Variants in RNF213 observed in about 807,000 individuals in gnomAD.
RNF213 encodes ring finger protein 213, also known as E3 ubiquitin-protein ligase RNF213.
A neutral mutation model predicts 514.4 loss-of-function variants in RNF213; 341 were observed. The ratio of observed to expected loss-of-function variants is 0.66; its 90% CI spans 0.61 to 0.73. The LOEUF is 0.73. Among genes scored for constraint, RNF213 ranks in the 30% least tolerant of loss-of-function variants. The probability of loss-of-function intolerance (pLI) is 0.00; values close to 1 mark genes in which losing one functional copy is unlikely to be tolerated. For synonymous variants in RNF213, 2,655 were observed against 2,658.2 expected (o/e 1.00, Z 0.04); for missense variants, 5,767 against 6,615.6 (o/e 0.87, Z 4.45).
rs780815851 is a variant in RNF213 at position 80,383,106 on chromosome 17, G to C, written c.14070+36G>C. On this transcript the variant is annotated intron_variant, in intron 58 of 67. Transcript: ENST00000582970. ...AGTGCTGACAGCTGGGTTGCTCCTC[G>C]GTCCAGAAAGGAAGGGTCCCGGCGT... 1.2e-5 allele frequency: 18 copies of C among 1,468,578 alleles called. No individual in the cohort carries two copies. The South Asian group carries it at 1.9e-4, about 16-fold the overall frequency. 91.0% of individuals were successfully genotyped at this position (1,468,578 alleles called of 1,614,324 possible).
At chr17:80,359,038 G>C (rs1254954442) in intron 37 of RNF213, among the ~76,000 whole-genome samples, 1 of 152,178 alleles carries the variant, frequency 6.6e-6, no homozygotes, top group Non-Finnish European at 1.5e-5. Flanking sequence ...ACAGTGCGCT[G>C]CGAACAGCCC....
chr17:80,364,517 G>A lies in RNF213; in HGVS notation c.11835G>A (p.Gln3945=), dbSNP rs921414193. ...LGTESRVPEL[Q]GLVTEHVFLL... is the part of the protein sequence containing the mutation. ...CCGAGAGCCGCGTCCCCGAGTTACAGGGGCTGGTGACCGAGCACGTCTTCT... is the reference window on the plus strand; with the variant it reads ...CCGAGAGCCGCGTCCCCGAGTTACAAGGGCTGGTGACCGAGCACGTCTTCT... The change falls in exon 42 of 68, where the codon CAG becomes CAA. Residue 3945 remains glutamine, a synonymous_variant. Transcript: ENST00000582970. 2 of 1,614,194 alleles carry A rather than the reference G, an allele frequency of 1.2e-6. No individual in the cohort carries two copies. Among genetic ancestry groups the A allele is most frequent in the Non-Finnish European group, 1.7e-6 (2 of 1,180,036 alleles).
chr17:80,335,356 G>A (rs146352280), intron 22 of RNF213, among the ~76,000 whole-genome samples: 8 of 152,300 alleles, frequency 5.3e-5, no homozygotes, highest in African/African-American at 1.7e-4. Context: ...AGGGGCACAG[G>A]TGGCAGTGCA....
intron 32 of RNF213, chr17:80,352,121 G>T: frequency 3.6e-6 from 1 of 277,962 alleles, no homozygotes; most frequent in Non-Finnish European, 6.9e-6. Flanking sequence ...CCAAAGTGCT[G>T]GGATTACAGG....
At chr17:80,326,341 A>G (rs2046281412) in intron 18 of RNF213, among the ~76,000 whole-genome samples, 1 of 152,228 alleles carries the variant, frequency 6.6e-6, no homozygotes, top group Admixed American at 6.5e-5. Flanking sequence ...GTACAGAAAA[A>G]TTGAGCAGAA....
intron 3 of RNF213, among the ~76,000 whole-genome samples, chr17:80,280,303 A>G (rs1055691699): frequency 3.9e-5 from 6 of 152,214 alleles, no homozygotes; most frequent in African/African-American, 1.2e-4. Context: ...CTCAGCAGAC[A>G]GTGAAGTCCG....
At chr17:80,384,924 C>T in intron 59 of RNF213, 115 bp from the exon 60 acceptor site, 1 of 1,098,498 alleles carries the variant, frequency 9.1e-7, no homozygotes, top group South Asian at 1.3e-5. Context: ...CAGGAAATGA[C>T]ACTGACCAGA....
chr17:80,277,970 C>T (rs373301252), intron 3 of RNF213, among the ~76,000 whole-genome samples: 4 of 152,206 alleles, frequency 2.6e-5, no homozygotes, highest in African/African-American at 4.8e-5. Flanking sequence ...GAGAGGGGCC[C>T]GCGCCTGTCC....
chr17:80,352,663 C>A, intron 32 of RNF213: 1 of 614,362 alleles, frequency 1.6e-6, no homozygotes, highest in Non-Finnish European at 2.9e-6. Context: ...GTGAAAGAAC[C>A]ACAGGCCTTA....
rs1479399742 is a variant in RNF213 at position 80,351,920 on chromosome 17, T to G, written c.10303+117T>G. ...ACCAGGCTGGAGTGCAGTGGCGCGA[T>G]CTCAGCTCACTACAACCTCAATCTC... On this transcript the variant is annotated intron_variant, in intron 32 of 67. Coordinates refer to ENST00000582970, the MANE Select transcript of RNF213 (RefSeq NM_001256071.3). The G allele has an allele frequency of 4.7e-6, 3 of 632,496 alleles. No homozygotes were observed. The East Asian group carries it at 9.6e-5, about 20-fold the overall frequency. 39.2% of individuals were successfully genotyped at this position (632,496 alleles called of 1,614,324 possible).
At chr17:80,373,229 A>ACACACCCCCCTACCCT in intron 49 of RNF213, 64 bp downstream of exon 49, 4 of 1,330,472 alleles carry the variant, frequency 3.0e-6, no homozygotes, top group Non-Finnish European at 4.0e-6. Flanking sequence ...CCCCAAACCC[A>ACACACCCCCCTACCCT]CACACCCCCC....
chr17:80,286,455 G>T (rs962983789), intron 3 of RNF213, among the ~76,000 whole-genome samples: 1 of 152,144 alleles, frequency 6.6e-6, no homozygotes, highest in African/African-American at 2.4e-5. Flanking sequence ...GCCCTGGGAT[G>T]CAGCCCTGTC....
chr17:80,328,640 T>G (rs1258266928), intron 20 of RNF213, among the ~76,000 whole-genome samples, 163 bp downstream of exon 20: 5 of 152,190 alleles, frequency 3.3e-5, no homozygotes, highest in Admixed American at 6.5e-5. Context: ...CTCTTTTAGA[T>G]TCTTCTTTTT....
chr17:80,278,779 G>A (rs1335408914), intron 3 of RNF213: 2 of 1,537,186 alleles, frequency 1.3e-6, no homozygotes, highest in Admixed American at 2.0e-5. Flanking sequence ...TACATCAGAG[G>A]TTTTGGTAGA....
chr17:80,393,247 C>G, intron 67 of RNF213, 98 bp from the exon 68 acceptor site: 1 of 1,010,902 alleles, frequency 9.9e-7, no homozygotes, highest in Non-Finnish European at 1.4e-6. Context: ...TCCCACAGTG[C>G]TGGGCTTACA....
intron 38 of RNF213, 150 bp from the exon 39 acceptor site, chr17:80,361,584 C>G: frequency 1.3e-6 from 1 of 789,250 alleles, no homozygotes; most frequent in Non-Finnish European, 2.2e-6. Flanking sequence ...CCTTCAATTC[C>G]CTACAAAATC....
At position 80,295,742 on chromosome 17, in the gene RNF213, C is replaced by T; in HGVS notation, c.1941C>T (p.Leu647=). 6.2e-7 allele frequency: 1 copy of T among 1,614,176 alleles called. No individual in the cohort carries two copies. The highest frequency in any genetic ancestry group is 1.1e-5 in the South Asian group (1 of 91,082). ...GCAGCCTGGACTGGTTGTGTCACCTCCTAACCTCAGATGCCAGCTCACCAG... is the reference window on the plus strand; with the variant it reads ...GCAGCCTGGACTGGTTGTGTCACCTTCTAACCTCAGATGCCAGCTCACCAG... ...LEGSLDWLCH[L]LTSDASSPDE... is the part of the protein sequence containing the mutation. The change falls in exon 10 of 68, where the codon CTC becomes CTT. Residue 647 remains leucine, a synonymous_variant. Coordinates refer to ENST00000582970, the MANE Select transcript of RNF213 (RefSeq NM_001256071.3).
At chr17:80,366,174 G>A (rs924957364) in intron 42 of RNF213, among the ~76,000 whole-genome samples, 6 of 152,244 alleles carry the variant, frequency 3.9e-5, no homozygotes, top group African/African-American at 7.2e-5. Context: ...CCCTCGGCCG[G>A]GCAGGAAGTT....
intron 41 of RNF213, 122 bp downstream of exon 41, chr17:80,363,912 C>T (rs557324997): frequency 1.0e-6 from 1 of 959,068 alleles, no homozygotes; most frequent in East Asian, 2.6e-5. Context: ...GGGCTCCGTC[C>T]TCACCCGTTC....
Sources: gnomAD v4.1 joint callset for allele counts (sites outside exome capture counted in the v4.1 genomes callset) on GRCh38, gnomAD v4.1.1 for gene constraint, MANE v1.5 for transcripts, NCBI Gene and HGNC (gene_info 2026-07-23, HGNC 2026-07-21) for gene names.